Variants in TBC1D15 observed in about 807,000 individuals in gnomAD.
TBC1D15 encodes the protein TBC1 domain family member 15, also known as GAP for RAB7.
A neutral mutation model predicts 95.4 loss-of-function variants in TBC1D15; 39 were observed. That is an observed-to-expected ratio of 0.41 (90% CI 0.32 to 0.53). TBC1D15 has a LOEUF of 0.53. TBC1D15 is among the 20% of genes least tolerant of loss of function. The pLI, the probability that TBC1D15 is intolerant of heterozygous loss-of-function variation, is 0.29. For synonymous variants in TBC1D15, 258 were observed against 261.3 expected (o/e 0.99, Z 0.12); for missense variants, 733 against 794.3 (o/e 0.92, Z 0.93).
chr12:71,878,716 C>G (rs1212787555), intron 3 of TBC1D15, among the ~76,000 whole-genome samples: 3 of 151,448 alleles, frequency 2.0e-5, no homozygotes, highest in Admixed American at 6.6e-5. Flanking sequence ...GGGGTTTTGC[C>G]ATGTTGTCCA....
intron 11 of TBC1D15, among the ~76,000 whole-genome samples, chr12:71,908,553 G>T (rs12810964): frequency 6.6e-6 from 1 of 152,174 alleles, no homozygotes; most frequent in African/African-American, 2.4e-5. Flanking sequence ...CCATATGTAA[G>T]TTAGGGGAAG....
rs538680473 is a variant in TBC1D15, at chr12:71,854,301, T to G, written c.30+14490T>G. On this transcript the variant is annotated intron_variant, in intron 1 of 16. Coordinates refer to ENST00000485960, the MANE Select transcript of TBC1D15 (RefSeq NM_001146213.3). The stretch of plus-strand genomic sequence containing the variant: ...TATTATTATTTTTCTGGTGGGAGGT[T>G]AAATCCAGCCTGTCATTCCATCTTG... Among the ~76,000 whole-genome samples the G allele has an allele frequency of 1.7e-4, 26 of 152,328 alleles. No individual in the cohort carries two copies. In the East Asian group the frequency reaches 3.5e-3, roughly 20 times the overall value.
intron 5 of TBC1D15, among the ~76,000 whole-genome samples, chr12:71,892,728 A>G (rs1331964859): frequency 6.6e-6 from 1 of 151,718 alleles, no homozygotes; most frequent in South Asian, 2.1e-4. Context: ...TATAGCTTAC[A>G]TTTTTAACAT....
chr12:71,917,918 G>A (rs1411523391), intron 13 of TBC1D15, 121 bp downstream of exon 13: 1 of 605,624 alleles, frequency 1.7e-6, no homozygotes, highest in Admixed American at 2.9e-5. Context: ...CAGCACTTTG[G>A]AAGCCAAGGA....
rs772609293 is a variant in TBC1D15 at position 71,894,898 on chromosome 12, G to A, written c.855+15G>A. ...TCATCACAAGAGTGAGTAAAGATTAGTATTAATATAGCTCTTATATTTTAA... is the reference window on the plus strand; with the variant it reads ...TCATCACAAGAGTGAGTAAAGATTAATATTAATATAGCTCTTATATTTTAA... On this transcript the variant is annotated intron_variant, in intron 7 of 16. Coordinates refer to ENST00000485960, the MANE Select transcript of TBC1D15 (RefSeq NM_001146213.3). The A allele has an allele frequency of 6.2e-7, 1 of 1,603,594 alleles. No individual in the cohort carries two copies. The highest frequency in any genetic ancestry group is 8.5e-7 in the Non-Finnish European group (1 of 1,172,992).
At chr12:71,885,521 CT>C (rs1242201006) in intron 5 of TBC1D15, among the ~76,000 whole-genome samples, 1 of 152,206 alleles carries the variant, frequency 6.6e-6, no homozygotes, top group Non-Finnish European at 1.5e-5. Flanking sequence ...CACTGTTACT[CT>C]CAGCAAATAT....
At chr12:71,881,009 C>T (rs1162820722) in intron 4 of TBC1D15, among the ~76,000 whole-genome samples, 1 of 152,164 alleles carries the variant, frequency 6.6e-6, no homozygotes, top group Non-Finnish European at 1.5e-5. Context: ...CTCTTCATGG[C>T]TCATTGCAGT....
intron 3 of TBC1D15, among the ~76,000 whole-genome samples, 158 bp from the exon 4 acceptor site, chr12:71,880,311 A>G (rs536804262): frequency 8.8e-5 from 13 of 147,696 alleles, no homozygotes; most frequent in African/African-American, 3.0e-4. Context: ...TTTTTTTCAT[A>G]AAGATGATCA....
At chr12:71,861,635 TTAAC>T (rs755932768) in intron 1 of TBC1D15, 17 of 600,192 alleles carry the variant, frequency 2.8e-5, no homozygotes, top group South Asian at 4.5e-5. Flanking sequence ...TTGGCTGCCT[TTAAC>T]TAATAAGTCA....
At chr12:71,892,383 G>A (rs183487237) in intron 5 of TBC1D15, among the ~76,000 whole-genome samples, 3 of 152,108 alleles carry the variant, frequency 2.0e-5, no homozygotes, top group Non-Finnish European at 2.9e-5. Context: ...TAATAAACAG[G>A]AGGTGTATAG....
chr12:71,909,092 A>G (rs996014777), intron 11 of TBC1D15, among the ~76,000 whole-genome samples: 1 of 152,202 alleles, frequency 6.6e-6, no homozygotes, highest in Non-Finnish European at 1.5e-5. Flanking sequence ...TTTTCTTAGG[A>G]CATTGTCCCA....
chr12:71,907,796 A>G (rs940333704), intron 11 of TBC1D15: 3 of 152,222 alleles, frequency 2.0e-5, no homozygotes, highest in African/African-American at 7.2e-5. Flanking sequence ...GATATTTTAG[A>G]CAAGCAGTGC....
Position 71,839,769 on chromosome 12 carries a change from A to G in TBC1D15, c.-13A>G, listed in dbSNP as rs762873658. 3.1e-6 allele frequency: 5 copies of G among 1,613,946 alleles called. No individual in the cohort carries two copies. Among genetic ancestry groups the G allele is most frequent in the Non-Finnish European group, 4.2e-6 (5 of 1,180,012 alleles). On this transcript the variant is annotated 5_prime_UTR_variant, in exon 1 of 17. Coordinates refer to ENST00000485960, the MANE Select transcript of TBC1D15 (RefSeq NM_001146213.3). ...AGGTTCTGCTACGTCATTACCAGGC[A>G]CGCGCAGGAAACATGGCGGCGGCGG... is the stretch of plus-strand genomic sequence containing the variant.
chr12:71,854,036 T>C (rs1479255838), intron 1 of TBC1D15, among the ~76,000 whole-genome samples: 1 of 152,234 alleles, frequency 6.6e-6, no homozygotes. Flanking sequence ...TACTTTCTCC[T>C]GTGAACTCTA....
intron 16 of TBC1D15, 108 bp from the exon 17 acceptor site, chr12:71,922,875 C>T: frequency 9.5e-7 from 1 of 1,053,178 alleles, no homozygotes; most frequent in South Asian, 1.5e-5. Flanking sequence ...ACTGTTAGGA[C>T]AAATGCTCAG....
intron 12 of TBC1D15, among the ~76,000 whole-genome samples, chr12:71,916,232 C>G (rs564097724): frequency 6.6e-6 from 1 of 152,228 alleles, no homozygotes; most frequent in East Asian, 1.9e-4. Flanking sequence ...CATTGTTGAT[C>G]CCACTCTCCC....
chr12:71,902,314 C>T (rs895973140), intron 10 of TBC1D15, among the ~76,000 whole-genome samples: 1 of 152,148 alleles, frequency 6.6e-6, no homozygotes. Context: ...GTCATACTAC[C>T]TGACTTCAAA....
chr12:71,896,924 T>C (rs1898302915), intron 9 of TBC1D15, 144 bp downstream of exon 9: 2 of 579,674 alleles, frequency 3.5e-6, no homozygotes. Flanking sequence ...TTAAAAATTA[T>C]GAGCATTCTA....
chr12:71,891,883 T>C (rs149795359), intron 5 of TBC1D15, among the ~76,000 whole-genome samples: 7 of 152,246 alleles, frequency 4.6e-5, no homozygotes, highest in Middle Eastern at 3.4e-3. Context: ...TTTATATGTA[T>C]AGGCAGTGGT....
Sources: gnomAD v4.1 joint callset for allele counts (sites outside exome capture counted in the v4.1 genomes callset) on GRCh38, gnomAD v4.1.1 for gene constraint, MANE v1.5 for transcripts, NCBI Gene and HGNC (gene_info 2026-07-23, HGNC 2026-07-21) for gene names.